The following TGFBR1 variants were observed in gnomAD, a reference collection of about 807,000 sequenced individuals.
TGFBR1 encodes transforming growth factor beta receptor 1.
Under a neutral mutation model 55.1 loss-of-function variants are expected in TGFBR1, and 20 were observed. The ratio of observed to expected loss-of-function variants is 0.36; its 90% CI spans 0.26 to 0.53. TGFBR1 has a LOEUF of 0.53. TGFBR1 is among the 20% of genes least tolerant of loss of function. The pLI is 0.91. For synonymous variants in TGFBR1, 220 were observed against 214.8 expected, an observed-to-expected ratio of 1.02 and a Z score of -0.21; for missense variants, 385 against 617.6, an observed-to-expected ratio of 0.62 and a Z score of 3.99.
chr9:99,134,603 A>G (rs1265048805), intron 3 of TGFBR1, among the ~76,000 whole-genome samples: 3 of 151,794 alleles, frequency 2.0e-5, no homozygotes, highest in African/African-American at 7.3e-5. Context: ...TTTGGAATTA[A>G]TCCCTCAAAC....
chr9:99,134,290 A>G (rs969738361), intron 3 of TGFBR1, among the ~76,000 whole-genome samples: 3 of 152,194 alleles, frequency 2.0e-5, no homozygotes, highest in Non-Finnish European at 4.4e-5. Context: ...CTCCTTGACT[A>G]CTAGGACACA....
At chr9:99,147,300 A>G (rs575698612) in intron 7 of TGFBR1, among the ~76,000 whole-genome samples, 31 of 152,336 alleles carry the variant, frequency 2.0e-4, no homozygotes, top group African/African-American at 6.7e-4. Context: ...TAGGGTATAT[A>G]TATCCCTGTG....
rs978538959 is a variant in TGFBR1, at chr9:99,154,132, G to A, written c.*4827G>A. The A allele has an allele frequency of 1.3e-5, 3 of 227,558 alleles. No individual in the cohort carries two copies. Among genetic ancestry groups the A allele is most frequent in the African/African-American group, 2.2e-5 (1 of 44,960 alleles). The allele number at this position is 227,558 out of a possible 1,614,324, so 14.1% of individuals were successfully genotyped here. The stretch of plus-strand genomic sequence containing the variant: ...TTTCCTTATAACAAAGACATCACCA[G>A]GATATGAAGCTTTTGTTGAAAGTTG... On this transcript the variant is annotated 3_prime_UTR_variant, in exon 9 of 9. Transcript: ENST00000374994.
chr9:99,145,009 G>A (rs1214357857), intron 6 of TGFBR1, 121 bp downstream of exon 6: 1 of 1,143,474 alleles, frequency 8.7e-7, no homozygotes, highest in Admixed American at 2.0e-5. Flanking sequence ...ATTGCCAACA[G>A]GTAAGAAGAT....
chr9:99,129,103 A>G lies in TGFBR1; in HGVS notation c.343+3A>G, dbSNP rs374717754. On this transcript the variant is annotated splice_donor_region_variant and intron_variant, in intron 2 of 8. Transcript: ENST00000374994. ...TAAAATAGAACTTCCAACTACTGGT[A>G]AGTTGTATAAAATTTTTTTCCTAGA... 32 of 1,613,606 alleles carry G rather than the reference A, an allele frequency of 2.0e-5. No individual in the cohort carries two copies. The highest frequency in any genetic ancestry group is 2.4e-5 in the Non-Finnish European group (28 of 1,179,816).
intron 5 of TGFBR1, among the ~76,000 whole-genome samples, chr9:99,143,516 A>C (rs959221436): frequency 6.6e-6 from 1 of 152,222 alleles, no homozygotes; most frequent in Non-Finnish European, 1.5e-5. Flanking sequence ...ATGCCAGTAT[A>C]TCTCTCTGCT....
chr9:99,131,313 A>G (rs1827216803), intron 2 of TGFBR1, among the ~76,000 whole-genome samples: 2 of 152,180 alleles, frequency 1.3e-5, no homozygotes, highest in Non-Finnish European at 2.9e-5. Flanking sequence ...GATTTTTCAT[A>G]TACAAAGGCA....
rs530834657 is a variant in TGFBR1 at position 99,146,392 on chromosome 9, T to C, written c.1131-93T>C. The C allele has an allele frequency of 1.8e-4, 243 of 1,340,358 alleles. 4 individuals are homozygous for C. The South Asian group carries it at 2.6e-3, about 14-fold the overall frequency. 83.0% of individuals were successfully genotyped at this position (1,340,358 alleles called of 1,614,324 possible). ...TTTGTTATGTAATATTGTGTACATATGTCTATGTATAAAGAAATGTCTGAA... is the reference window on the plus strand; with the variant it reads ...TTTGTTATGTAATATTGTGTACATACGTCTATGTATAAAGAAATGTCTGAA... On this transcript the variant is annotated intron_variant, in intron 6 of 8. Transcript: ENST00000374994.
At chr9:99,114,482 G>T (rs1216408486) in intron 1 of TGFBR1, among the ~76,000 whole-genome samples, 1 of 152,188 alleles carries the variant, frequency 6.6e-6, no homozygotes, top group Admixed American at 6.5e-5. Flanking sequence ...GTGGTAAGGG[G>T]TTATTGCTGG....
chr9:99,105,375 C>T (rs1021913039), intron 1 of TGFBR1, 73 bp downstream of exon 1: 2 of 973,584 alleles, frequency 2.1e-6, no homozygotes, highest in Non-Finnish European at 2.4e-6. Flanking sequence ...CGCTCCTGCT[C>T]TTTCTCAAAC....
chr9:99,150,246 G>A lies in TGFBR1; in HGVS notation c.*941G>A, dbSNP rs1329806160. 5.2e-6 allele frequency: 1 copy of A among 192,974 alleles called. No individual in the cohort carries two copies. Among genetic ancestry groups the A allele is most frequent in the East Asian group, 8.2e-5 (1 of 12,156 alleles). The allele number at this position is 192,974 out of a possible 1,614,324, so 12.0% of individuals were successfully genotyped here. A position where few individuals can be genotyped will look rare whatever the true frequency, so the allele number is the denominator to read the frequency against. ...CAAGCTTTTGCATTTTAATTGTGTT[G>A]TCTAAGTATACTTTTAAAAAATCAA... On this transcript the variant is annotated 3_prime_UTR_variant, in exon 9 of 9. Coordinates refer to ENST00000374994, the MANE Select transcript of TGFBR1 (RefSeq NM_004612.4).
intron 5 of TGFBR1, among the ~76,000 whole-genome samples, chr9:99,143,051 C>T (rs186653325): frequency 1.6e-4 from 25 of 152,000 alleles, no homozygotes; most frequent in Non-Finnish European, 3.5e-4. Flanking sequence ...AGAGAGAGAC[C>T]CTGTCTCAGA....
At chr9:99,139,073 G>A (rs909546105) in intron 4 of TGFBR1, among the ~76,000 whole-genome samples, 2 of 152,082 alleles carry the variant, frequency 1.3e-5, no homozygotes, top group African/African-American at 4.8e-5. Flanking sequence ...TGGGATTACA[G>A]GCATGAGCCA....
chr9:99,125,591 C>G (rs866176997), intron 1 of TGFBR1, among the ~76,000 whole-genome samples: 1 of 152,104 alleles, frequency 6.6e-6, no homozygotes, highest in African/African-American at 2.4e-5. Flanking sequence ...TTCAAATTCC[C>G]TTTATTTTTT....
At chr9:99,139,117 G>A (rs1050874082) in intron 4 of TGFBR1, among the ~76,000 whole-genome samples, 9 of 151,086 alleles carry the variant, frequency 6.0e-5, no homozygotes, top group Non-Finnish European at 1.2e-4. Context: ...TATTTTTACT[G>A]CCTCTGTCAG....
rs397517031 is a variant in TGFBR1, at chr9:99,149,176, G to C, written c.1387-4G>C. ...TTAATTTTTTTTTTTATATTTTCTT[G>C]TAGGCCTTGAGAGTAATGGCTAAAA... On this transcript the variant is annotated splice_region_variant and splice_polypyrimidine_tract_variant and intron_variant, in intron 8 of 8. Transcript: ENST00000374994. The C allele has an allele frequency of 1.2e-6, 2 of 1,600,120 alleles. No homozygotes were observed. The highest frequency in any genetic ancestry group is 1.7e-6 in the Non-Finnish European group (2 of 1,172,240).
Position 99,142,654 on chromosome 9 carries a change from C to T in TGFBR1, c.924C>T (p.Ser308=), listed in dbSNP as rs1827653102. The change falls in exon 5 of 9, where the codon TCC becomes TCT. Residue 308 remains serine, a synonymous_variant. Coordinates refer to ENST00000374994, the MANE Select transcript of TGFBR1 (RefSeq NM_004612.4). ...TVEGMIKLAL[S]TASGLAHLHM... is the part of the protein sequence containing the mutation. The stretch of plus-strand genomic sequence containing the variant: ...AAGGAATGATAAAACTTGCTCTGTC[C>T]ACGGCGAGCGGTCTTGCCCATCTTC... 6.2e-7 allele frequency: 1 copy of T among 1,613,920 alleles called. No homozygotes were observed. Among genetic ancestry groups the T allele is most frequent in the Non-Finnish European group, 8.5e-7 (1 of 1,179,946 alleles).
At position 99,115,158 on chromosome 9, in the gene TGFBR1, G is replaced by C. The variant is rs141342584; in HGVS notation, c.97+9856G>C. 3.3e-3 allele frequency among the ~76,000 whole-genome samples: 508 copies of C among 152,182 alleles called. 2 individuals are homozygous for C. The highest frequency in any genetic ancestry group is 6.8e-3 in the Middle Eastern group (2 of 294). On this transcript the variant is annotated intron_variant, in intron 1 of 8. Transcript: ENST00000374994. ...TTGAAAAATAAAGTGAACAATTCGG[G>C]TTTATCACTCATGATTTGTAAGGAT...
At chr9:99,142,843 G>C (rs11568782) in intron 5 of TGFBR1, 140 bp downstream of exon 5, 1 of 893,102 alleles carries the variant, frequency 1.1e-6, no homozygotes, top group Non-Finnish European at 1.8e-6. Flanking sequence ...CAGATCGCCC[G>C]ATCTCAGGAG....
Sources: gnomAD v4.1 joint callset for allele counts (sites outside exome capture counted in the v4.1 genomes callset) on GRCh38, gnomAD v4.1.1 for gene constraint, MANE v1.5 for transcripts, NCBI Gene and HGNC (gene_info 2026-07-23, HGNC 2026-07-21) for gene names.